Variants in PSMD1 observed in about 807,000 individuals in gnomAD.
The protein encoded by PSMD1 is 26S proteasome non-ATPase regulatory subunit 1.
Under a neutral mutation model 119.0 loss-of-function variants are expected in PSMD1, and 18 were observed. The ratio of observed to expected loss-of-function variants is 0.15; its 90% confidence interval spans 0.10 to 0.22. The LOEUF is 0.22. Ranked by LOEUF, PSMD1 falls within the 10% of genes least tolerant of loss-of-function variation. The pLI, the probability that PSMD1 is intolerant of heterozygous loss-of-function variation, is 1.00. For missense variants in PSMD1, 702 were observed against 1,158.5 expected (o/e 0.61, Z 5.72); for synonymous variants, 374 against 396.6 (o/e 0.94, Z 0.68).
chr2:231,069,935 A>G, intron 5 of PSMD1, 90 bp from the exon 6 acceptor site: 1 of 1,116,418 alleles, frequency 9.0e-7, no homozygotes, highest in Non-Finnish European at 1.2e-6. Flanking sequence ...TAGATTGGCT[A>G]AAGAAGCAAG....
Position 231,153,629 on chromosome 2 carries a change from G to C in PSMD1, c.2181G>C (p.Lys727Asn), listed in dbSNP as rs1386000716. The C allele has an allele frequency of 6.2e-7, 1 of 1,613,834 alleles. No homozygotes were observed. The highest frequency in any genetic ancestry group is 8.5e-7 in the Non-Finnish European group (1 of 1,179,806). Residue 727 changes from lysine to asparagine, a missense_variant, in exon 19 of 25, where the codon AAG becomes AAC. Transcript: ENST00000308696. ...ATAAGCATGATGATGTCATGGCCAA[G>C]TTTGGCGCTATTCTGGCCCAGGGCA... ...INDKHDDVMAKFGAILAQGIL... is the reference protein window; with the variant it reads ...INDKHDDVMANFGAILAQGIL...
chr2:231,108,684 A>T, intron 16 of PSMD1: 3 of 1,614,034 alleles, frequency 1.9e-6, no homozygotes, highest in Non-Finnish European at 8.5e-7. Flanking sequence ...TTCTTGAAAA[A>T]CTTAGAGTTC....
chr2:231,133,034 T>G (rs545224069), intron 16 of PSMD1, among the ~76,000 whole-genome samples: 2 of 152,176 alleles, frequency 1.3e-5, no homozygotes, highest in Non-Finnish European at 2.9e-5. Context: ...TTGTGGGTTT[T>G]TAAATGTTGA....
chr2:231,057,153 G>A, intron 1 of PSMD1, 112 bp downstream of exon 1: 1 of 1,323,266 alleles, frequency 7.6e-7, no homozygotes, highest in Middle Eastern at 2.7e-4. Flanking sequence ...GGCCTGGGCA[G>A]CTTCTTGCTG....
At chr2:231,139,034 A>G (rs2125247671) in intron 17 of PSMD1, 184 bp downstream of exon 17, 1 of 683,994 alleles carries the variant, frequency 1.5e-6, no homozygotes, top group East Asian at 2.8e-5. Flanking sequence ...CTGCTTAAGA[A>G]TAAATCGTCA....
At chr2:231,081,980 C>G (rs539497744) in intron 12 of PSMD1, among the ~76,000 whole-genome samples, 1 of 152,226 alleles carries the variant, frequency 6.6e-6, no homozygotes, top group Non-Finnish European at 1.5e-5. Flanking sequence ...TCCTCCCCTT[C>G]TCATGTAAAC....
chr2:231,116,645 G>GT (rs113224814), intron 16 of PSMD1, among the ~76,000 whole-genome samples: 8,043 of 152,060 alleles, frequency 0.053, 740 homozygotes, highest in African/African-American at 0.18. Flanking sequence ...AAGAAGGAAA[G>GT]TTTTTTAGTG....
rs1284969593 is a variant in PSMD1 at position 231,146,323 on chromosome 2, C to T, written c.2082C>T (p.Ile694=). The T allele has an allele frequency of 3.7e-6, 6 of 1,613,646 alleles. No homozygotes were observed. In the East Asian group the frequency reaches 1.3e-4, roughly 36 times the overall value. Residue 694 remains isoleucine, a synonymous_variant, in exon 18 of 25, where the codon ATC becomes ATT. Transcript: ENST00000308696. ...GGGCACTCATAGCTTCAGCTCTCAT[C>T]ATGATCCAGCAGACTGAAATCACTT... ...RQGALIASAL[I]MIQQTEITCP...
chr2:231,079,798 T>G (rs1694261190), intron 11 of PSMD1, among the ~76,000 whole-genome samples, 184 bp downstream of exon 11: 1 of 152,184 alleles, frequency 6.6e-6, no homozygotes, highest in Non-Finnish European at 1.5e-5. Context: ...TTGTTTTTAA[T>G]AAAAAGTGGA....
Position 231,170,929 on chromosome 2 carries a change from C to G in PSMD1, c.*9+208C>G, listed in dbSNP as rs111393845. ...TCCTCTTTGACTCGTACTCTACTCA[C>G]GTTATTCAAAGTGGCTGGTCTGCAA... On this transcript the variant is annotated intron_variant, in intron 24 of 24. Transcript: ENST00000308696. The surrounding 1 kb of genome is among the most constrained non-coding windows in gnomAD (Gnocchi z 4.1). 0.022 allele frequency among the ~76,000 whole-genome samples: 3,377 copies of G among 152,278 alleles called. 138 individuals carry two copies. The highest frequency in any genetic ancestry group is 0.077 in the African/African-American group (3,188 of 41,532).
intron 8 of PSMD1, among the ~76,000 whole-genome samples, chr2:231,076,351 G>A (rs897999734): frequency 6.6e-6 from 1 of 152,172 alleles, no homozygotes; most frequent in Non-Finnish European, 1.5e-5. Flanking sequence ...TGGTTGGAAA[G>A]TTGTGTTGGT....
intron 14 of PSMD1, 75 bp downstream of exon 14, chr2:231,083,838 C>A: frequency 7.1e-7 from 1 of 1,414,878 alleles, no homozygotes; most frequent in Non-Finnish European, 9.8e-7. Flanking sequence ...TGGAAATTAA[C>A]TCTGTTCCCA....
chr2:231,078,774 T>G (rs1405928702), intron 10 of PSMD1, 27 bp downstream of exon 10: 1 of 1,382,636 alleles, frequency 7.2e-7, no homozygotes, highest in Admixed American at 2.2e-5. Flanking sequence ...ATTTTCACTT[T>G]GGTTCAAAAT....
chr2:231,159,863 G>T (rs1696595026), intron 19 of PSMD1, among the ~76,000 whole-genome samples: 3 of 152,184 alleles, frequency 2.0e-5, no homozygotes, highest in Admixed American at 2.0e-4. Context: ...AGTTCAGTAG[G>T]CATTAGATTC....
Position 231,062,615 on chromosome 2 carries a change from C to G in PSMD1, c.244C>G (p.Leu82Val), listed in dbSNP as rs1693786398. The G allele has an allele frequency of 1.2e-6, 2 of 1,613,548 alleles. No individual in the cohort carries two copies. Among genetic ancestry groups the G allele is most frequent in the Non-Finnish European group, 1.7e-6 (2 of 1,179,764 alleles). Reference protein sequence around the residue: ...GAFEESLNYALGAGDLFNVND... With the variant: ...GAFEESLNYAVGAGDLFNVND... ...TTTTGAGGAGTCTCTGAATTATGCT[C>G]TTGGAGCAGGGGACCTCTTCAATGT... The change falls in exon 4 of 25, where the codon CTT becomes GTT. Residue 82 changes from leucine (L) to valine (V), a missense_variant. Coordinates refer to ENST00000308696, the MANE Select transcript of PSMD1 (RefSeq NM_002807.4).
chr2:231,079,338 C>T (rs1302098556), intron 10 of PSMD1, among the ~76,000 whole-genome samples, 198 bp from the exon 11 acceptor site: 2 of 151,988 alleles, frequency 1.3e-5, no homozygotes, highest in Admixed American at 6.6e-5. Context: ...AGTAGAATTA[C>T]GTATCGTGCA....
Position 231,165,799 on chromosome 2 carries a change from C to T in PSMD1, c.2569-72C>T, listed in dbSNP as rs1183688982. 6.0e-6 allele frequency: 8 copies of T among 1,332,086 alleles called. No homozygotes were observed. The African/African-American group carries it at 1.0e-4, about 17-fold the overall frequency. The allele number at this position is 1,332,086 out of a possible 1,614,324, so 82.5% of individuals were successfully genotyped here. A position where few individuals can be genotyped will look rare whatever the true frequency, so the allele number is the denominator to read the frequency against. ...TTGTACCTTATAGCTGCTCAGTCAA[C>T]TTCAGATGTTACTCAGTTCTGTGGA... On this transcript the variant is annotated intron_variant, in intron 22 of 24. Coordinates refer to ENST00000308696, the MANE Select transcript of PSMD1 (RefSeq NM_002807.4).
chr2:231,058,417 C>T (rs1429111461), intron 1 of PSMD1, among the ~76,000 whole-genome samples: 1 of 152,164 alleles, frequency 6.6e-6, no homozygotes, highest in Non-Finnish European at 1.5e-5. Context: ...TTACAATCCA[C>T]CAGTGCTTAC....
chr2:231,170,498 A>G lies in PSMD1; in HGVS notation c.2716-68A>G. 1.4e-6 allele frequency: 2 copies of G among 1,429,036 alleles called. No homozygotes were observed. Among genetic ancestry groups the G allele is most frequent in the Non-Finnish European group, 1.9e-6 (2 of 1,070,106 alleles). 88.5% of individuals were successfully genotyped at this position (1,429,036 alleles called of 1,614,324 possible). ...AGTTTTAAAGTACCATTTAACAAGT[A>G]TTTACTCTAGATTGTGGAGCACGCT... On this transcript the variant is annotated intron_variant, in intron 23 of 24. Transcript: ENST00000308696. This position sits in a 1 kb window ranked among gnomAD's most constrained non-coding sequence, Gnocchi z 4.1.
Sources: allele counts gnomAD v4.1 joint callset (sites outside exome capture counted in the v4.1 genomes callset), GRCh38; gene constraint gnomAD v4.1.1; non-coding constraint Gnocchi (gnomAD v3.1); transcripts MANE v1.5; gene names NCBI Gene and HGNC (gene_info 2026-07-23, HGNC 2026-07-21).